Variants in EPB41L4A observed in about 807,000 individuals in gnomAD.
The protein encoded by EPB41L4A is erythrocyte membrane protein band 4.1 like 4A.
Under a neutral mutation model 108.6 loss-of-function variants are expected in EPB41L4A, and 100 were observed. The ratio of observed to expected loss-of-function variants is 0.92; its 90% CI spans 0.78 to 1.09. The LOEUF (loss-of-function observed/expected upper bound fraction) is 1.09, where lower values mean the gene tolerates loss of function less well. EPB41L4A is among the 50% of genes least tolerant of loss of function. The pLI, the probability that EPB41L4A is intolerant of heterozygous loss-of-function variation, is 0.00. For missense variants in EPB41L4A, 1,030 were observed against 842.7 expected, an observed-to-expected ratio of 1.22 and a Z score of -2.75; for synonymous variants, 319 against 289.0, an observed-to-expected ratio of 1.10 and a Z score of -1.05.
chr5:112,239,854 C>A, intron 10 of EPB41L4A, 117 bp from the exon 11 acceptor site: 1 of 531,258 alleles, frequency 1.9e-6, no homozygotes, highest in Non-Finnish European at 3.3e-6. Context: ...AAGAATACTT[C>A]TCCAACATCA....
At chr5:112,167,409 C>T (rs1760315842) in intron 22 of EPB41L4A, among the ~76,000 whole-genome samples, 1 of 152,194 alleles carries the variant, frequency 6.6e-6, no homozygotes, top group Admixed American at 6.5e-5. Flanking sequence ...AAATATTATG[C>T]AGATTATAGT....
intron 1 of EPB41L4A, among the ~76,000 whole-genome samples, chr5:112,342,442 C>T (rs960585851): frequency 6.6e-6 from 1 of 152,186 alleles, no homozygotes; most frequent in African/African-American, 2.4e-5. Flanking sequence ...AACAGGCAGT[C>T]CTGACAAGTA....
At chr5:112,334,382 G>A (rs13171756) in intron 1 of EPB41L4A, among the ~76,000 whole-genome samples, 8,218 of 152,246 alleles carry the variant, frequency 0.054, 303 homozygotes, top group Middle Eastern at 0.095. Flanking sequence ...ATCCTGAAGA[G>A]ATTAGCTGAG....
intron 2 of EPB41L4A, among the ~76,000 whole-genome samples, chr5:112,296,952 G>A (rs1193521793): frequency 2.0e-5 from 3 of 151,426 alleles, no homozygotes; most frequent in Non-Finnish European, 4.4e-5. Flanking sequence ...TCCATTTTAT[G>A]GCTGAGTAGT....
chr5:112,293,583 A>G (rs1753797984), intron 2 of EPB41L4A, among the ~76,000 whole-genome samples: 1 of 152,198 alleles, frequency 6.6e-6, no homozygotes, highest in Non-Finnish European at 1.5e-5. Flanking sequence ...AAAATGTGCC[A>G]TGGAGGTGAT....
chr5:112,261,732 C>G (rs1189008415), intron 7 of EPB41L4A, among the ~76,000 whole-genome samples: 2 of 152,136 alleles, frequency 1.3e-5, no homozygotes, highest in Non-Finnish European at 2.9e-5. Flanking sequence ...AGGTGGTAAC[C>G]TTCATATTGA....
At chr5:112,295,638 T>C (rs77948838) in intron 2 of EPB41L4A, among the ~76,000 whole-genome samples, 10,290 of 152,240 alleles carry the variant, frequency 0.068, 480 homozygotes, top group East Asian at 0.24. Flanking sequence ...AAAATACTGA[T>C]GTTAACAAAG....
At chr5:112,393,908 C>T (rs1027606940) in intron 1 of EPB41L4A, among the ~76,000 whole-genome samples, 3 of 152,156 alleles carry the variant, frequency 2.0e-5, no homozygotes, top group Non-Finnish European at 4.4e-5. Context: ...AAGTTGGCTT[C>T]ATTCCTGGAT....
chr5:112,274,567 T>A (rs375959967), intron 4 of EPB41L4A, among the ~76,000 whole-genome samples: 1 of 152,168 alleles, frequency 6.6e-6, no homozygotes, highest in African/African-American at 2.4e-5. Context: ...TCAACTTTTT[T>A]AAAGGAGGTA....
At chr5:112,262,406 A>T (rs1751558447) in intron 7 of EPB41L4A, 88 bp downstream of exon 7, 2 of 1,042,158 alleles carry the variant, frequency 1.9e-6, no homozygotes, top group Admixed American at 3.5e-5. Context: ...AAACAACAGG[A>T]CTGCAGCTTT....
At chr5:112,283,775 G>A (rs1753107244) in intron 2 of EPB41L4A, among the ~76,000 whole-genome samples, 1 of 152,210 alleles carries the variant, frequency 6.6e-6, no homozygotes, top group African/African-American at 2.4e-5. Context: ...TCACAGCCCA[G>A]CAGGAGACAC....
intron 11 of EPB41L4A, among the ~76,000 whole-genome samples, chr5:112,238,671 C>T (rs751753586): frequency 6.6e-6 from 1 of 152,166 alleles, no homozygotes; most frequent in Non-Finnish European, 1.5e-5. Flanking sequence ...CTCTGTGACA[C>T]TAGGTGGCAT....
chr5:112,395,816 T>C (rs1469734313), intron 1 of EPB41L4A, among the ~76,000 whole-genome samples: 1 of 152,216 alleles, frequency 6.6e-6, no homozygotes, highest in African/African-American at 2.4e-5. Flanking sequence ...TGTGGCACTA[T>C]TCACAATAGC....
chr5:112,394,492 T>G (rs1187466161), intron 1 of EPB41L4A, among the ~76,000 whole-genome samples: 1 of 152,148 alleles, frequency 6.6e-6, no homozygotes, highest in Non-Finnish European at 1.5e-5. Context: ...CATTCACAAT[T>G]GCTTCAAAGA....
At chr5:112,410,347 A>G (rs1762335609) in intron 1 of EPB41L4A, among the ~76,000 whole-genome samples, 2 of 152,228 alleles carry the variant, frequency 1.3e-5, no homozygotes, top group East Asian at 1.9e-4. Flanking sequence ...AAAGTATTCT[A>G]GGCAGGAGGC....
intron 12 of EPB41L4A, among the ~76,000 whole-genome samples, chr5:112,210,760 C>G (rs1036861539): frequency 6.6e-6 from 1 of 151,942 alleles, no homozygotes; most frequent in East Asian, 1.9e-4. Context: ...CAACTCTTCT[C>G]CAGTGTGCAT....
intron 16 of EPB41L4A, among the ~76,000 whole-genome samples, chr5:112,195,144 T>G (rs1411578959): frequency 6.6e-6 from 1 of 152,142 alleles, no homozygotes; most frequent in Non-Finnish European, 1.5e-5. Flanking sequence ...TGGTAGCTTC[T>G]GCTTCCTCCC....
intron 1 of EPB41L4A, among the ~76,000 whole-genome samples, chr5:112,415,331 G>A (rs541200130): frequency 6.6e-6 from 1 of 152,126 alleles, no homozygotes; most frequent in South Asian, 2.1e-4. Context: ...CCTTAACAAA[G>A]CCATTTAAAA....
In EPB41L4A at chr5:112,149,343, G is replaced by A. The variant is rs563657609; in HGVS notation, n.995-3345C>T. ...AAATATTAGCCAGGCGTGGTGGCAC[G>A]TGCCTGTATTCCCAGCTACTTGGGA... On this transcript the variant is annotated intron_variant and non_coding_transcript_variant, in intron 12 of 13. Transcript: ENST00000507810. Among the ~76,000 whole-genome samples, 8 of 152,258 alleles carry A rather than the reference G, an allele frequency of 5.3e-5. No individual in the cohort carries two copies. In the South Asian group the frequency reaches 1.5e-3, roughly 28 times the overall value.
Sources: allele counts gnomAD v4.1 joint callset (sites outside exome capture counted in the v4.1 genomes callset), GRCh38; gene constraint gnomAD v4.1.1; transcripts MANE v1.5; gene names NCBI Gene and HGNC (gene_info 2026-07-23, HGNC 2026-07-21).